The following ARFGAP3 variants were observed in gnomAD, a reference collection of about 807,000 sequenced individuals.
ARFGAP3 encodes ARF GTPase activating protein 3.
In ARFGAP3, 72 loss-of-function variants were observed where a neutral mutation model predicts 75.0. The observed-to-expected ratio is 0.96, with a 90% CI of 0.79 to 1.17. ARFGAP3 has a LOEUF of 1.17. Ranked by LOEUF, ARFGAP3 falls within the 50% of genes most tolerant of loss-of-function variation. The pLI is 0.00. For synonymous variants in ARFGAP3, 221 were observed against 217.9 expected, an observed-to-expected ratio of 1.01 and a Z score of -0.13; for missense variants, 620 against 626.6, an observed-to-expected ratio of 0.99 and a Z score of 0.11.
At chr22:42,824,170 A>AT (rs57620930) in intron 7 of ARFGAP3, among the ~76,000 whole-genome samples, 29 of 59,826 alleles carry the variant, frequency 4.8e-4, no homozygotes, top group Admixed American at 6.2e-4. Flanking sequence ...ACATCTGGCT[A>AT]TTTTTTTTTT....
chr22:42,817,708 C>T (rs1266768513), intron 10 of ARFGAP3, 21 bp downstream of exon 10: 2 of 1,574,402 alleles, frequency 1.3e-6, no homozygotes, highest in East Asian at 2.2e-5. Flanking sequence ...ATTCTAACTC[C>T]AAGAAAGCAG....
chr22:42,840,211 C>G (rs1389758928), intron 3 of ARFGAP3, among the ~76,000 whole-genome samples: 2 of 152,106 alleles, frequency 1.3e-5, no homozygotes. Context: ...GGATTACAAG[C>G]ATGAGCCACC....
At chr22:42,842,834 C>A (rs1926844263) in intron 2 of ARFGAP3, among the ~76,000 whole-genome samples, 1 of 152,062 alleles carries the variant, frequency 6.6e-6, no homozygotes, top group Admixed American at 6.6e-5. Flanking sequence ...CCTTTCTACG[C>A]CAACATCATA....
chr22:42,801,135 TGAG>T (rs1924838796), intron 14 of ARFGAP3, among the ~76,000 whole-genome samples: 1 of 152,056 alleles, frequency 6.6e-6, no homozygotes, highest in African/African-American at 2.4e-5. Flanking sequence ...TGCCTGAGCA[TGAG>T]GAGGCGGCAG....
intron 2 of ARFGAP3, among the ~76,000 whole-genome samples, chr22:42,845,706 C>T (rs1296693153): frequency 1.3e-5 from 2 of 152,006 alleles, no homozygotes; most frequent in Non-Finnish European, 2.9e-5. Context: ...GAATCAAAGA[C>T]TTAAAGGTAA....
At chr22:42,841,346 T>TA (rs1926772291) in intron 2 of ARFGAP3, among the ~76,000 whole-genome samples, 1 of 152,198 alleles carries the variant, frequency 6.6e-6, no homozygotes, top group South Asian at 2.1e-4. Flanking sequence ...TTGAAACAGA[T>TA]GCACTGTTTG....
At chr22:42,823,835 C>A in intron 7 of ARFGAP3, 133 bp from the exon 8 acceptor site, 1 of 1,129,462 alleles carries the variant, frequency 8.9e-7, no homozygotes, top group Admixed American at 3.8e-5. Flanking sequence ...AGTTTCTCAT[C>A]CAGAAGACTC....
intron 14 of ARFGAP3, among the ~76,000 whole-genome samples, chr22:42,800,272 G>A (rs528280213): frequency 6.6e-6 from 1 of 152,330 alleles, no homozygotes; most frequent in African/African-American, 2.4e-5. Flanking sequence ...GCTCACGCCT[G>A]TAATCCCAGC....
chr22:42,805,103 C>A (rs1404535397), intron 14 of ARFGAP3, among the ~76,000 whole-genome samples: 2 of 152,100 alleles, frequency 1.3e-5, no homozygotes, highest in Non-Finnish European at 2.9e-5. Context: ...CCGGCGGGGG[C>A]AGGGGAGTGA....
Position 42,810,796 on chromosome 22 carries a change from C to T in ARFGAP3, c.1196+17G>A. On this transcript the variant is annotated intron_variant, in intron 12 of 15. Transcript: ENST00000263245. Reference sequence around the variant, plus strand: ...GCATGGATTCACTACTACAACCCCACAGTTTTGCATTCATACCTGTCTGAA... The same window carrying T: ...GCATGGATTCACTACTACAACCCCATAGTTTTGCATTCATACCTGTCTGAA... 1 of 1,604,400 alleles carries T rather than the reference C, an allele frequency of 6.2e-7. No individual in the cohort carries two copies.
intron 1 of ARFGAP3, among the ~76,000 whole-genome samples, chr22:42,855,413 C>A (rs1927451655): frequency 6.6e-6 from 1 of 152,140 alleles, no homozygotes; most frequent in Non-Finnish European, 1.5e-5. Context: ...AGGCTGGGCG[C>A]GGTGGCTCAC....
At chr22:42,840,192 A>G (rs931525887) in intron 3 of ARFGAP3, among the ~76,000 whole-genome samples, 5 of 151,940 alleles carry the variant, frequency 3.3e-5, no homozygotes, top group Non-Finnish European at 4.4e-5. Flanking sequence ...TCAGCCTCCC[A>G]AAGTTCTAGG....
rs1246392142 is a variant in ARFGAP3, at chr22:42,823,700, C to T, written c.628G>A (p.Val210Ile). The part of the protein sequence containing the change: ...LNVPTKATLE[V>I]SSIIKKKPNQ... ...GGTTTCTTTTTTATGATAGAGGATA[C>T]CTCTGCCAAAAAATAAAAATTAAAA... The change falls in exon 8 of 16, where the codon GTA becomes ATA. Residue 210 changes from valine to isoleucine, a missense_variant and splice_region_variant. Transcript: ENST00000263245. The T allele has an allele frequency of 3.8e-6, 6 of 1,565,004 alleles. No individual in the cohort carries two copies. The highest frequency in any genetic ancestry group is 2.3e-5 in the East Asian group (1 of 43,690).
At chr22:42,803,293 C>A (rs1488836190) in intron 14 of ARFGAP3, among the ~76,000 whole-genome samples, 1 of 152,144 alleles carries the variant, frequency 6.6e-6, no homozygotes, top group Non-Finnish European at 1.5e-5. Context: ...AACCAGACTG[C>A]CTGATGCAGA....
At chr22:42,841,944 C>T (rs1434679429) in intron 2 of ARFGAP3, among the ~76,000 whole-genome samples, 2 of 148,058 alleles carry the variant, frequency 1.4e-5, no homozygotes, top group East Asian at 2.0e-4. Context: ...ATTGCAGCCT[C>T]AACCAGGATT....
intron 14 of ARFGAP3, among the ~76,000 whole-genome samples, chr22:42,805,992 A>G (rs1369484059): frequency 6.6e-6 from 1 of 151,958 alleles, no homozygotes; most frequent in African/African-American, 2.4e-5. Context: ...CCAAACCACA[A>G]CCCAGAATGT....
At chr22:42,821,544 C>T (rs981260446) in intron 9 of ARFGAP3, among the ~76,000 whole-genome samples, 7 of 152,286 alleles carry the variant, frequency 4.6e-5, no homozygotes, top group African/African-American at 1.7e-4. Context: ...CATGTTGTGG[C>T]CAATATCAGG....
At chr22:42,807,026 C>A in intron 14 of ARFGAP3, 47 bp downstream of exon 14, 1 of 1,532,152 alleles carries the variant, frequency 6.5e-7, no homozygotes, top group South Asian at 1.2e-5. Context: ...GAAATGTGTT[C>A]ATACCGTAGA....
chr22:42,799,711 G>C lies in ARFGAP3; in HGVS notation c.1412-551C>G, dbSNP rs1924772155. Among the ~76,000 whole-genome samples, 2 of 152,192 alleles carry C rather than the reference G, an allele frequency of 1.3e-5. 1 individual carries two copies. Among genetic ancestry groups the C allele is most frequent in the South Asian group, 4.1e-4 (2 of 4,834 alleles). Reference sequence around the variant, plus strand: ...TGAGAAGAGCCATTTGCTTGCTCTGGGGTTATTGGCAGGGACAAAGCAAAG... The same window carrying C: ...TGAGAAGAGCCATTTGCTTGCTCTGCGGTTATTGGCAGGGACAAAGCAAAG... On this transcript the variant is annotated intron_variant, in intron 14 of 15. Transcript: ENST00000263245.
Sources: allele counts gnomAD v4.1 joint callset (sites outside exome capture counted in the v4.1 genomes callset), GRCh38; gene constraint gnomAD v4.1.1; transcripts MANE v1.5; gene names NCBI Gene and HGNC (gene_info 2026-07-23, HGNC 2026-07-21).